The following ADGRL3 variants were observed in gnomAD, a reference collection of about 807,000 sequenced individuals.
ADGRL3 encodes the protein calcium-independent alpha-latrotoxin receptor 3.
A neutral mutation model predicts 153.5 loss-of-function variants in ADGRL3; 62 were observed. The observed-to-expected ratio is 0.40, with a 90% CI of 0.33 to 0.50. The LOEUF (loss-of-function observed/expected upper bound fraction) is 0.50, where lower values mean the gene tolerates loss of function less well. Ranked by LOEUF, ADGRL3 falls within the 20% of genes least tolerant of loss-of-function variation. ADGRL3 has a pLI of 0.47. For synonymous variants in ADGRL3, 710 were observed against 672.5 expected, an observed-to-expected ratio of 1.06 and a Z score of -0.86; for missense variants, 1,641 against 1,859.4, an observed-to-expected ratio of 0.88 and a Z score of 2.16.
chr4:61,791,492 C>T (rs1296278303), intron 8 of ADGRL3, among the ~76,000 whole-genome samples: 2 of 152,200 alleles, frequency 1.3e-5, no homozygotes, highest in African/African-American at 4.8e-5. Context: ...TGGCCTCCCT[C>T]CTGGCTGCTT....
At chr4:61,982,069 T>C (rs566752203) in intron 18 of ADGRL3, among the ~76,000 whole-genome samples, 1 of 152,216 alleles carries the variant, frequency 6.6e-6, no homozygotes, top group Admixed American at 6.5e-5. Context: ...AAATGGAAAA[T>C]TGTGTTATTT....
At chr4:61,341,062 A>C (rs2095798943) in intron 1 of ADGRL3, among the ~76,000 whole-genome samples, 1 of 151,978 alleles carries the variant, frequency 6.6e-6, no homozygotes, top group African/African-American at 2.4e-5. Flanking sequence ...TGAAGTAATG[A>C]CATTTCCATG....
chr4:61,592,308 T>C (rs917838213), intron 5 of ADGRL3, among the ~76,000 whole-genome samples: 3 of 152,154 alleles, frequency 2.0e-5, no homozygotes, highest in Non-Finnish European at 4.4e-5. Flanking sequence ...ACTGCATTTA[T>C]ATACATGAGT....
chr4:61,268,828 T>C (rs1448269164), intron 1 of ADGRL3, among the ~76,000 whole-genome samples: 2 of 151,624 alleles, frequency 1.3e-5, no homozygotes, highest in Admixed American at 1.3e-4. Context: ...GTTGTTAAGA[T>C]GGCAAAAACC....
intron 8 of ADGRL3, among the ~76,000 whole-genome samples, chr4:61,749,303 G>A (rs1400723211): frequency 3.3e-5 from 5 of 151,896 alleles, no homozygotes; most frequent in African/African-American, 7.3e-5. Flanking sequence ...TCAGTGTGGC[G>A]ATTCCTCAGG....
rs555369137 is a variant in ADGRL3 at position 61,268,813 on chromosome 4, A to T, written c.-240+67048A>T. Among the ~76,000 whole-genome samples the T allele has an allele frequency of 3.3e-5, 5 of 151,786 alleles. No individual in the cohort carries two copies. In the South Asian group the frequency reaches 1.0e-3, roughly 31 times the overall value. The stretch of plus-strand genomic sequence containing the variant: ...GCTACTAGATTATGGAAAATATATG[A>T]TCAAGTTGTTAAGATGGCAAAAACC... On this transcript the variant is annotated intron_variant, in intron 1 of 26. Coordinates refer to ENST00000683033, the MANE Select transcript of ADGRL3 (RefSeq NM_001387552.1).
intron 13 of ADGRL3, among the ~76,000 whole-genome samples, chr4:61,916,004 A>G (rs974751193): frequency 1.3e-5 from 2 of 152,150 alleles, no homozygotes; most frequent in African/African-American, 4.8e-5. Context: ...TCAATTACTT[A>G]GAAGTTCAGT....
At chr4:61,473,630 A>G (rs2097999703) in intron 2 of ADGRL3, among the ~76,000 whole-genome samples, 1 of 152,150 alleles carries the variant, frequency 6.6e-6, no homozygotes, top group Non-Finnish European at 1.5e-5. Context: ...CAAAACATGT[A>G]TAGAGTTTAT....
chr4:61,354,131 T>C (rs2096114197), intron 1 of ADGRL3, among the ~76,000 whole-genome samples: 1 of 152,206 alleles, frequency 6.6e-6, no homozygotes, highest in Non-Finnish European at 1.5e-5. Context: ...TCATTTAATC[T>C]TCACAACACC....
At chr4:62,044,228 CT>C (rs1729885798) in intron 24 of ADGRL3, among the ~76,000 whole-genome samples, 1 of 151,716 alleles carries the variant, frequency 6.6e-6, no homozygotes, top group Non-Finnish European at 1.5e-5. Flanking sequence ...TTATAATTAT[CT>C]TTGGTATATA....
chr4:61,423,104 G>A (rs114231198), intron 2 of ADGRL3, among the ~76,000 whole-genome samples: 1 of 152,208 alleles, frequency 6.6e-6, no homozygotes, highest in African/African-American at 2.4e-5. Context: ...GTAAAATTTT[G>A]AGGTAAAATT....
chr4:61,831,271 G>A (rs1057512309), intron 9 of ADGRL3, among the ~76,000 whole-genome samples: 2 of 151,842 alleles, frequency 1.3e-5, no homozygotes, highest in African/African-American at 4.8e-5. Context: ...CATGACCGAT[G>A]GCACTCACAC....
At chr4:61,460,806 T>C (rs1578992511) in intron 2 of ADGRL3, among the ~76,000 whole-genome samples, 1 of 152,032 alleles carries the variant, frequency 6.6e-6, no homozygotes, top group Non-Finnish European at 1.5e-5. Flanking sequence ...CAGTGGCTCA[T>C]GCCTGTAATC....
At chr4:61,647,042 G>A (rs2094032798) in intron 5 of ADGRL3, among the ~76,000 whole-genome samples, 1 of 152,142 alleles carries the variant, frequency 6.6e-6, no homozygotes. Context: ...CGATTTTCCA[G>A]GTGCCGTCCA....
intron 1 of ADGRL3, among the ~76,000 whole-genome samples, chr4:61,210,992 A>G (rs890083483): frequency 5.9e-5 from 9 of 152,330 alleles, no homozygotes; most frequent in South Asian, 2.1e-4. Flanking sequence ...GGCAATTTCA[A>G]TTAGTTTTCA....
intron 2 of ADGRL3, among the ~76,000 whole-genome samples, chr4:61,428,395 C>G (rs772299996): frequency 6.6e-6 from 1 of 152,140 alleles, no homozygotes; most frequent in South Asian, 2.1e-4. Context: ...TTACCTTGGC[C>G]TACTCTTGAC....
rs929256894 is a variant in ADGRL3 at position 62,070,501 on chromosome 4, T to C, written c.4225T>C (p.Tyr1409His). 1.9e-6 allele frequency: 3 copies of C among 1,547,216 alleles called. No individual in the cohort carries two copies. The African/African-American group carries it at 4.2e-5, about 22-fold the overall frequency. Reference sequence around the variant, plus strand: ...TGCTCCTTTGCTGCCCCCAAGAGTATACTCCACCGAGAACCACCAGCCACA... The same window carrying C: ...TGCTCCTTTGCTGCCCCCAAGAGTACACTCCACCGAGAACCACCAGCCACA... The part of the protein sequence containing the change: ...SDAPLLPPRV[Y>H]STENHQPHHY... The change falls in exon 27 of 27, where the codon TAC becomes CAC. Residue 1409 changes from tyrosine to histidine, a missense_variant. Around this residue, in one of 5 missense-constraint regions of ADGRL3, gnomAD observed 517 missense variants for 555.0 expected, o/e 0.93. Transcript: ENST00000683033.
At chr4:62,032,476 C>T (rs189359857) in intron 23 of ADGRL3, among the ~76,000 whole-genome samples, 7 of 151,268 alleles carry the variant, frequency 4.6e-5, no homozygotes, top group South Asian at 2.1e-4. Context: ...ATGTGACTTT[C>T]GGCAAGTTAA....
chr4:61,499,642 A>T (rs1261326949), intron 3 of ADGRL3, among the ~76,000 whole-genome samples: 1 of 152,156 alleles, frequency 6.6e-6, no homozygotes, highest in Non-Finnish European at 1.5e-5. Flanking sequence ...CCCTCTAGTT[A>T]ATTTTTGTTC....
Sources: allele counts gnomAD v4.1 joint callset (sites outside exome capture counted in the v4.1 genomes callset), GRCh38; gene constraint gnomAD v4.1.1; regional missense constraint gnomAD v4.1.1; transcripts MANE v1.5; gene names NCBI Gene and HGNC (gene_info 2026-07-23, HGNC 2026-07-21).